Variants in SNX29 observed in about 807,000 individuals in gnomAD.
SNX29 encodes sorting nexin-29.
A neutral mutation model predicts 102.1 loss-of-function variants in SNX29; 78 were observed. The ratio of observed to expected loss-of-function variants is 0.76; its 90% CI spans 0.64 to 0.92. SNX29 has a LOEUF of 0.92. Among genes scored for constraint, SNX29 ranks in the 40% least tolerant of loss-of-function variants. The pLI, the probability that SNX29 is intolerant of heterozygous loss-of-function variation, is 0.00. For missense variants in SNX29, 1,280 were observed against 1,061.7 expected, an observed-to-expected ratio of 1.21 and a Z score of -2.86; for synonymous variants, 580 against 414.5, an observed-to-expected ratio of 1.40 and a Z score of -4.85.
At chr16:12,503,104 A>G (rs2089202407) in intron 19 of SNX29, among the ~76,000 whole-genome samples, 1 of 149,392 alleles carries the variant, frequency 6.7e-6, no homozygotes, top group African/African-American at 2.5e-5. Context: ...CCTCCCATCC[A>G]CCACCCCCAC....
At chr16:12,526,200 G>T (rs1015566403) in intron 20 of SNX29, among the ~76,000 whole-genome samples, 7 of 152,202 alleles carry the variant, frequency 4.6e-5, no homozygotes, top group African/African-American at 1.7e-4. Context: ...CACTGTAGCT[G>T]TTTAACGGTT....
intron 18 of SNX29, among the ~76,000 whole-genome samples, chr16:12,414,640 A>G (rs1476581352): frequency 6.6e-6 from 1 of 152,156 alleles, no homozygotes; most frequent in African/African-American, 2.4e-5. Flanking sequence ...TTCTGGTAAA[A>G]GTAGAAGTCC....
chr16:12,521,210 A>G (rs2090086119), intron 19 of SNX29, among the ~76,000 whole-genome samples: 1 of 151,764 alleles, frequency 6.6e-6, no homozygotes, highest in Non-Finnish European at 1.5e-5. Flanking sequence ...CAAATAAAAC[A>G]CTCGTTCATG....
chr16:12,142,890 A>G (rs963696237), intron 13 of SNX29, among the ~76,000 whole-genome samples: 1 of 151,886 alleles, frequency 6.6e-6, no homozygotes, highest in Admixed American at 6.6e-5. Flanking sequence ...TTCACTCTTC[A>G]AACATTTACT....
intron 18 of SNX29, among the ~76,000 whole-genome samples, chr16:12,410,346 T>C (rs2084349652): frequency 6.6e-6 from 1 of 152,108 alleles, no homozygotes; most frequent in Admixed American, 6.5e-5. Flanking sequence ...CAGGGTGTTG[T>C]CTTGGCCTGA....
At chr16:12,373,816 G>A (rs2082775737) in intron 16 of SNX29, 1 of 152,204 alleles carries the variant, frequency 6.6e-6, no homozygotes, top group Admixed American at 6.5e-5. Flanking sequence ...AAACCACCAA[G>A]GGACTGTGGG....
In SNX29 at chr16:12,570,796, C is replaced by T. The variant is rs1280533523; in HGVS notation, c.*2167C>T. On this transcript the variant is annotated 3_prime_UTR_variant, in exon 21 of 21. Coordinates refer to ENST00000566228, the MANE Select transcript of SNX29 (RefSeq NM_032167.5). ...ATAATAATGCAACAGTCCCCCATTG[C>T]TGAGAGATACTAACCCGTGAGAAAC... is the stretch of plus-strand genomic sequence containing the variant. 4.3e-6 allele frequency: 1 copy of T among 232,192 alleles called. No homozygotes were observed. Among genetic ancestry groups the T allele is most frequent in the African/African-American group, 2.2e-5 (1 of 45,242 alleles). 14.4% of individuals were successfully genotyped at this position (232,192 alleles called of 1,614,324 possible). A position where few individuals can be genotyped will look rare whatever the true frequency, so the allele number is the denominator to read the frequency against.
At chr16:12,219,207 G>A (rs995698442) in intron 14 of SNX29, among the ~76,000 whole-genome samples, 1 of 151,878 alleles carries the variant, frequency 6.6e-6, no homozygotes, top group Non-Finnish European at 1.5e-5. Context: ...CCATCATTTG[G>A]TTTGCAAACC....
intron 18 of SNX29, among the ~76,000 whole-genome samples, chr16:12,413,071 C>T (rs926867725): frequency 2.0e-5 from 3 of 152,130 alleles, no homozygotes; most frequent in African/African-American, 7.2e-5. Flanking sequence ...TGGAGATTGG[C>T]AGCTTTTGTT....
chr16:12,331,099 G>T (rs1445498747), intron 15 of SNX29, among the ~76,000 whole-genome samples: 1 of 152,222 alleles, frequency 6.6e-6, no homozygotes, highest in African/African-American at 2.4e-5. Flanking sequence ...TGCACCCCAT[G>T]GGCTCCTACC....
At chr16:12,461,062 G>A (rs568020100) in intron 18 of SNX29, among the ~76,000 whole-genome samples, 64 of 152,322 alleles carry the variant, frequency 4.2e-4, no homozygotes, top group African/African-American at 1.4e-3. Flanking sequence ...AGTTAGATGC[G>A]ATAATTGCCC....
At chr16:12,141,584 G>C (rs2054871229) in intron 13 of SNX29, among the ~76,000 whole-genome samples, 1 of 152,238 alleles carries the variant, frequency 6.6e-6, no homozygotes, top group Non-Finnish European at 1.5e-5. Flanking sequence ...TTATTCATGA[G>C]TTTTCCAGGC....
At chr16:12,348,532 G>A (rs2081892923) in intron 15 of SNX29, among the ~76,000 whole-genome samples, 2 of 151,008 alleles carry the variant, frequency 1.3e-5, no homozygotes, top group African/African-American at 5.0e-5. Context: ...GCCTTTCCCC[G>A]GCTCTGTGTG....
chr16:12,310,085 CACACATGCACACACATGCACACAT>C (rs2080481945), intron 15 of SNX29, among the ~76,000 whole-genome samples: 1 of 142,294 alleles, frequency 7.0e-6, no homozygotes, highest in South Asian at 2.2e-4. Flanking sequence ...TACACATGTG[CACACATGCACACACATGCACACAT>C]ACACGTGCAC....
chr16:12,322,815 AATCACT>A (rs2080983816), intron 15 of SNX29, among the ~76,000 whole-genome samples: 1 of 51,550 alleles, frequency 1.9e-5, no homozygotes, highest in Non-Finnish European at 5.4e-5. Context: ...TGGTCACTGG[AATCACT>A]GATGACCACT....
At position 12,357,740 on chromosome 16, in the gene SNX29, C is replaced by T. The variant is rs549691690; in HGVS notation, c.1899+1461C>T. 3.0e-4 allele frequency among the ~76,000 whole-genome samples: 45 copies of T among 152,258 alleles called. No homozygotes were observed. The South Asian group carries it at 8.7e-3, about 29-fold the overall frequency. ...CCTTGGCGACCATTCTACTTTGTTC[C>T]TCTATGAATCCACTACTGTCTTAGG... On this transcript the variant is annotated intron_variant, in intron 16 of 20. Coordinates refer to ENST00000566228, the MANE Select transcript of SNX29 (RefSeq NM_032167.5).
chr16:12,400,634 C>T (rs1438485190), intron 17 of SNX29, among the ~76,000 whole-genome samples: 1 of 152,218 alleles, frequency 6.6e-6, no homozygotes, highest in East Asian at 1.9e-4. Flanking sequence ...CCCTGGAAGT[C>T]ACTCTCCTTA....
At chr16:12,561,680 C>G (rs2078732254) in intron 20 of SNX29, among the ~76,000 whole-genome samples, 1 of 152,218 alleles carries the variant, frequency 6.6e-6, no homozygotes, top group Non-Finnish European at 1.5e-5. Flanking sequence ...CCCTCACACA[C>G]AGACCCCCTT....
At chr16:12,365,638 C>T (rs2082445313) in intron 16 of SNX29, among the ~76,000 whole-genome samples, 1 of 150,598 alleles carries the variant, frequency 6.6e-6, no homozygotes, top group East Asian at 2.0e-4. Flanking sequence ...TGCAATTGAG[C>T]CGAGATCACG....
Sources: allele counts gnomAD v4.1 joint callset (sites outside exome capture counted in the v4.1 genomes callset), GRCh38; gene constraint gnomAD v4.1.1; transcripts MANE v1.5; gene names NCBI Gene and HGNC (gene_info 2026-07-23, HGNC 2026-07-21).